DLG2: variants seen among roughly 807,000 people sequenced by gnomAD.
DLG2 encodes discs large MAGUK scaffold protein 2.
In DLG2, 45 loss-of-function variants were observed where a neutral mutation model predicts 132.5. That is an observed-to-expected ratio of 0.34 (90% confidence interval 0.27 to 0.44). The LOEUF (loss-of-function observed/expected upper bound fraction) is 0.44. Ranked by LOEUF, DLG2 falls within the 20% of genes least tolerant of loss-of-function variation. The pLI is 1.00. For missense variants in DLG2, 1,045 were observed against 1,196.9 expected, an observed-to-expected ratio of 0.87 and a Z score of 1.87; for synonymous variants, 424 against 419.6, an observed-to-expected ratio of 1.01 and a Z score of -0.13.
At chr11:84,365,831 G>T (rs1183383481) in intron 7 of DLG2, among the ~76,000 whole-genome samples, 1 of 152,028 alleles carries the variant, frequency 6.6e-6, no homozygotes, top group Admixed American at 6.6e-5. Context: ...CCAAATCTAT[G>T]TCTGATTGGT....
chr11:83,624,177 A>T (rs2153439668), intron 19 of DLG2, among the ~76,000 whole-genome samples: 1 of 152,306 alleles, frequency 6.6e-6, no homozygotes, highest in South Asian at 2.1e-4. Context: ...TTTCTGGATG[A>T]ATCAATTAAT....
intron 7 of DLG2, among the ~76,000 whole-genome samples, chr11:84,362,789 T>C (rs1335122910): frequency 6.6e-6 from 1 of 152,124 alleles, no homozygotes; most frequent in Non-Finnish European, 1.5e-5. Context: ...GATAGTTTAC[T>C]GAGAATGATG....
rs573954262 is a variant in DLG2, at chr11:85,232,958, C to G, written c.186+52262G>C. Among the ~76,000 whole-genome samples the G allele has an allele frequency of 3.9e-5, 6 of 152,080 alleles. No homozygotes were observed. The South Asian group carries it at 6.2e-4, about 16-fold the overall frequency. On this transcript the variant is annotated intron_variant, in intron 4 of 27. Coordinates refer to ENST00000376104, the MANE Select transcript of DLG2 (RefSeq NM_001142699.3). ...AGATGGAAGAAAGGTAAAACAGAAA[C>G]TCCAGTTTGAAGATCTTGCTTCTGT...
chr11:84,523,198 G>T (rs1475430152), intron 7 of DLG2, among the ~76,000 whole-genome samples: 1 of 152,058 alleles, frequency 6.6e-6, no homozygotes, highest in Non-Finnish European at 1.5e-5. Flanking sequence ...TTTTTTTAAT[G>T]TGAAATAATT....
At chr11:83,476,115 T>C (rs1026641779) in intron 22 of DLG2, among the ~76,000 whole-genome samples, 3 of 152,030 alleles carry the variant, frequency 2.0e-5, no homozygotes, top group Non-Finnish European at 4.4e-5. Flanking sequence ...ATGATGGAGT[T>C]GAAGACCAGT....
intron 10 of DLG2, among the ~76,000 whole-genome samples, chr11:84,089,812 A>T (rs1191383668): frequency 6.6e-6 from 1 of 152,192 alleles, no homozygotes; most frequent in Non-Finnish European, 1.5e-5. Flanking sequence ...TTGTCAGGAA[A>T]TTGGCAAGCA....
At chr11:84,296,385 G>T (rs930697274) in intron 7 of DLG2, among the ~76,000 whole-genome samples, 1 of 152,134 alleles carries the variant, frequency 6.6e-6, no homozygotes, top group South Asian at 2.1e-4. Flanking sequence ...TCTCCTTCAC[G>T]TTTGGAGGAG....
At chr11:84,220,774 T>C (rs1253176445) in intron 8 of DLG2, among the ~76,000 whole-genome samples, 3 of 135,850 alleles carry the variant, frequency 2.2e-5, no homozygotes, top group African/African-American at 8.0e-5. Context: ...TTTTTCTTTT[T>C]CTTTTCTTTT....
chr11:83,719,938 TTACA>T (rs910869647), intron 18 of DLG2, among the ~76,000 whole-genome samples: 1 of 152,102 alleles, frequency 6.6e-6, no homozygotes, highest in African/African-American at 2.4e-5. Flanking sequence ...AATCTGTATA[TTACA>T]TGCTATCTCC....
At chr11:85,498,603 C>T (rs532955225) in intron 3 of DLG2, among the ~76,000 whole-genome samples, 2 of 152,248 alleles carry the variant, frequency 1.3e-5, no homozygotes, top group African/African-American at 4.8e-5. Context: ...ACAGAACTCC[C>T]CACCCCAAAT....
chr11:85,199,595 T>C (rs916683885), intron 4 of DLG2, among the ~76,000 whole-genome samples: 4 of 152,250 alleles, frequency 2.6e-5, no homozygotes, highest in African/African-American at 9.6e-5. Flanking sequence ...TCCTCTATTA[T>C]AATAGATCTA....
chr11:84,748,160 T>C (rs946068009), intron 6 of DLG2, among the ~76,000 whole-genome samples: 5 of 152,162 alleles, frequency 3.3e-5, no homozygotes, highest in Admixed American at 6.5e-5. Context: ...CAGGAAATCA[T>C]GTGTGAGAAA....
intron 8 of DLG2, among the ~76,000 whole-genome samples, chr11:84,221,677 T>C (rs1226879738): frequency 6.6e-6 from 1 of 152,138 alleles, no homozygotes. Context: ...GTTCAACTTT[T>C]AAAGAAAATA....
At chr11:84,276,404 T>C (rs1341314190) in intron 7 of DLG2, among the ~76,000 whole-genome samples, 1 of 152,240 alleles carries the variant, frequency 6.6e-6, no homozygotes, top group Non-Finnish European at 1.5e-5. Flanking sequence ...ATAAATCCAA[T>C]ATTTACCTTA....
intron 6 of DLG2, among the ~76,000 whole-genome samples, chr11:84,726,487 C>T (rs2062473319): frequency 6.6e-6 from 1 of 152,124 alleles, no homozygotes; most frequent in African/African-American, 2.4e-5. Flanking sequence ...TGTATATGTG[C>T]CACACTTTCT....
intron 6 of DLG2, among the ~76,000 whole-genome samples, chr11:84,843,864 CTGTG>C (rs1379431776): frequency 6.6e-6 from 1 of 151,152 alleles, no homozygotes; most frequent in African/African-American, 2.4e-5. Context: ...AGAAAGCTGA[CTGTG>C]TGTGTATATA....
chr11:83,709,783 G>A (rs1313354463), intron 18 of DLG2, among the ~76,000 whole-genome samples: 2 of 152,162 alleles, frequency 1.3e-5, no homozygotes, highest in Admixed American at 1.3e-4. Flanking sequence ...AAGTCATTTG[G>A]AAAGTAACAA....
At position 83,459,898 on chromosome 11, in the gene DLG2, C is replaced by G. The variant is rs2089550072; in HGVS notation, c.2848G>C (p.Asp950His). 1 of 1,603,768 alleles carries G rather than the reference C, an allele frequency of 6.2e-7. No individual in the cohort carries two copies. Among genetic ancestry groups the G allele is most frequent in the African/African-American group, 1.3e-5 (1 of 74,722 alleles). The part of the protein sequence containing the change: ...TAIVQGDTLE[D>H]IYNQCKLVIE... ...ACAAGCTTGCATTGGTTATATATATCTTCTAAAGTATCTCCTTGGACAATA... is the reference window on the plus strand; with the variant it reads ...ACAAGCTTGCATTGGTTATATATATGTTCTAAAGTATCTCCTTGGACAATA... The change falls in exon 28 of 28, where the codon GAT becomes CAT. Residue 950 changes from aspartate to histidine, a missense_variant. By Grantham distance (81) the Asp-to-His change is moderately conservative. This residue lies in a region of DLG2 where 398 missense variants were observed against 543.6 expected (regional missense o/e 0.73). Coordinates refer to ENST00000376104, the MANE Select transcript of DLG2 (RefSeq NM_001142699.3).
intron 7 of DLG2, among the ~76,000 whole-genome samples, chr11:84,300,993 C>T (rs577693539): frequency 6.6e-6 from 1 of 152,110 alleles, no homozygotes; most frequent in Non-Finnish European, 1.5e-5. Flanking sequence ...CTTGTGTTAA[C>T]TGTTTAATAA....
Sources: allele counts gnomAD v4.1 joint callset (sites outside exome capture counted in the v4.1 genomes callset), GRCh38; gene constraint gnomAD v4.1.1; regional missense constraint gnomAD v4.1.1; transcripts MANE v1.5; gene names NCBI Gene and HGNC (gene_info 2026-07-23, HGNC 2026-07-21).